Variants in PRKCH observed in about 807,000 individuals in gnomAD.
PRKCH encodes protein kinase C eta.
In PRKCH, 28 loss-of-function variants were observed where a neutral mutation model predicts 82.5. The ratio of observed to expected loss-of-function variants is 0.34; its 90% CI spans 0.25 to 0.47. PRKCH has a LOEUF of 0.47. Ranked by LOEUF, PRKCH falls within the 20% of genes least tolerant of loss-of-function variation. The pLI, the probability that PRKCH is intolerant of heterozygous loss-of-function variation, is 1.00. For missense variants in PRKCH, 705 were observed against 881.8 expected (o/e 0.80, Z 2.54); for synonymous variants, 322 against 327.4 (o/e 0.98, Z 0.18).
At chr14:61,292,625 G>A (rs954645518) in intron 1 of PRKCH, among the ~76,000 whole-genome samples, 2 of 152,060 alleles carry the variant, frequency 1.3e-5, no homozygotes, top group Non-Finnish European at 1.5e-5. Flanking sequence ...ACAAAAATTA[G>A]CCAGGCATAG....
intron 1 of PRKCH, among the ~76,000 whole-genome samples, chr14:61,199,255 G>T (rs2044461756): frequency 6.6e-6 from 1 of 152,140 alleles, no homozygotes. Context: ...CTCTTGCATA[G>T]ATTTAATAAT....
chr14:61,280,017 G>C lies in PRKCH; in HGVS notation c.-19+92349G>C, dbSNP rs2045241738. 7.7e-7 allele frequency: 1 copy of C among 1,305,190 alleles called. No homozygotes were observed. The highest frequency in any genetic ancestry group is 1.5e-5 in the African/African-American group (1 of 67,092). 80.9% of individuals were successfully genotyped at this position (1,305,190 alleles called of 1,614,324 possible). A position where few individuals can be genotyped will look rare whatever the true frequency, so the allele number is the denominator to read the frequency against. On this transcript the variant is annotated intron_variant, in intron 1 of 3. Coordinates refer to the PRKCH transcript ENST00000555185. This position sits in a 1 kb window ranked among gnomAD's most constrained non-coding sequence, Gnocchi z 5.0. ...CTAGGCGAGGTTGGAATTGGGTGAC[G>C]GGCGAGGAGGAGATGCCAAAAGCAC...
At chr14:61,545,268 C>T (rs192745059) in intron 12 of PRKCH, 20 of 152,354 alleles carry the variant, frequency 1.3e-4, no homozygotes, top group African/African-American at 4.8e-4. Flanking sequence ...AATGCCACCT[C>T]TTCCACGAGG....
intron 1 of PRKCH, among the ~76,000 whole-genome samples, chr14:61,381,814 C>A (rs968068808): frequency 1.3e-5 from 2 of 152,210 alleles, no homozygotes; most frequent in Non-Finnish European, 2.9e-5. Context: ...GGTGTGATGA[C>A]CTCATGTGCC....
chr14:61,492,872 C>T (rs1480110463), intron 10 of PRKCH, among the ~76,000 whole-genome samples: 4 of 152,144 alleles, frequency 2.6e-5, no homozygotes, highest in African/African-American at 9.7e-5. Flanking sequence ...AGGCAAACTT[C>T]CTGGAGGAGG....
intron 10 of PRKCH, among the ~76,000 whole-genome samples, chr14:61,522,520 T>G (rs2042919674): frequency 6.6e-6 from 1 of 152,138 alleles, no homozygotes; most frequent in Non-Finnish European, 1.5e-5. Flanking sequence ...CTCTGTTCCT[T>G]CCTTCTGAAA....
chr14:61,465,466 T>G (rs183411329), intron 9 of PRKCH, among the ~76,000 whole-genome samples: 2 of 152,352 alleles, frequency 1.3e-5, no homozygotes, highest in Non-Finnish European at 2.9e-5. Flanking sequence ...TTCAACACCA[T>G]TTATTGAAGG....
intron 2 of PRKCH, among the ~76,000 whole-genome samples, chr14:61,410,126 AT>A (rs1355707828): frequency 6.6e-6 from 1 of 152,148 alleles, no homozygotes; most frequent in African/African-American, 2.4e-5. Context: ...GACTTTTATG[AT>A]TTTAATTTTA....
intron 1 of PRKCH, among the ~76,000 whole-genome samples, chr14:61,233,571 C>A (rs111947555): frequency 6.6e-6 from 1 of 152,074 alleles, no homozygotes; most frequent in Non-Finnish European, 1.5e-5. Context: ...TCCACACAAA[C>A]CTCATCTTGA....
intron 1 of PRKCH, among the ~76,000 whole-genome samples, chr14:61,314,051 A>C (rs1002428528): frequency 3.9e-5 from 6 of 152,318 alleles, no homozygotes; most frequent in Non-Finnish European, 8.8e-5. Flanking sequence ...TTTAGTTTGA[A>C]AAGATATTTT....
At chr14:61,414,274 CTT>C (rs151041093) in intron 2 of PRKCH, among the ~76,000 whole-genome samples, 24 of 141,014 alleles carry the variant, frequency 1.7e-4, no homozygotes, top group Admixed American at 2.9e-4. Context: ...TTCATTTAAT[CTT>C]TTTTTTTTTT....
Position 61,240,564 on chromosome 14 carries a change from G to A in PRKCH, c.-19+52896G>A, listed in dbSNP as rs1416260207. ...TAGCCATCTGCATTTGCATATCAAT[G>A]ATTGCCAGTCTGGTTTTTCAAGCCT... On this transcript the variant is annotated intron_variant, in intron 1 of 3. Transcript: ENST00000555185. Among the ~76,000 whole-genome samples, 4 of 152,076 alleles carry A rather than the reference G, an allele frequency of 2.6e-5. 1 individual carries two copies. In the South Asian group the frequency reaches 8.3e-4, roughly 32 times the overall value.
chr14:61,474,869 C>T (rs1161164743), intron 9 of PRKCH, among the ~76,000 whole-genome samples: 3 of 152,118 alleles, frequency 2.0e-5, no homozygotes, highest in Non-Finnish European at 4.4e-5. Context: ...ACAGAAACTT[C>T]GGCCCGTGCA....
At chr14:61,423,622 A>G (rs940286646) in intron 2 of PRKCH, among the ~76,000 whole-genome samples, 5 of 152,276 alleles carry the variant, frequency 3.3e-5, no homozygotes, top group Middle Eastern at 3.4e-3. Context: ...GAGATGGGCT[A>G]TGAATGGTGA....
At chr14:61,449,318 C>T in intron 5 of PRKCH, 66 bp downstream of exon 5, 1 of 1,332,968 alleles carries the variant, frequency 7.5e-7, no homozygotes, top group Non-Finnish European at 1.1e-6. Flanking sequence ...ACCGCCGTCT[C>T]TCTCCCTCCC....
intron 10 of PRKCH, among the ~76,000 whole-genome samples, chr14:61,500,666 C>T (rs1014530563): frequency 6.6e-6 from 1 of 152,080 alleles, no homozygotes; most frequent in Non-Finnish European, 1.5e-5. Flanking sequence ...TGTATGTGCA[C>T]ATGAAAATAG....
chr14:61,549,699 T>G lies in PRKCH; in HGVS notation c.1920T>G (p.Asp640Glu). 1 of 1,611,930 alleles carries G rather than the reference T, an allele frequency of 6.2e-7. No individual in the cohort carries two copies. The highest frequency in any genetic ancestry group is 1.1e-5 in the South Asian group (1 of 90,798). ...PFRPRIKSRE[D>E]VSNFDPDFIK... ...TTTTTTGGCAGAAATCCCGAGAAGA[T>G]GTCAGTAATTTTGACCCTGACTTCA... The change falls in exon 14 of 14, where the codon GAT becomes GAG. Residue 640 changes from aspartate (D) to glutamate (E), a missense_variant. Physicochemically the swap from Asp to Glu is conservative, Grantham distance 45. This residue lies in a region of PRKCH where 91 missense variants were observed against 81.2 expected (regional missense o/e 1.12). Transcript: ENST00000332981.
At chr14:61,196,347 T>A (rs760496311) in intron 1 of PRKCH, among the ~76,000 whole-genome samples, 3 of 152,196 alleles carry the variant, frequency 2.0e-5, no homozygotes, top group Non-Finnish European at 2.9e-5. Flanking sequence ...GACAATGGAT[T>A]GATAATGGCC....
rs1348437707 is a variant in PRKCH at position 61,413,405 on chromosome 14, C to CA, written c.427+22117_427+22118insA. The stretch of plus-strand genomic sequence containing the variant: ...ACCTTCATCATTTCTTTTTAAGCGC[C>CA]CCCCCCCCGCCCCGCCCATGTACCC... On this transcript the variant is annotated intron_variant, in intron 2 of 13. Coordinates refer to ENST00000332981, the MANE Select transcript of PRKCH (RefSeq NM_006255.5). Among the ~76,000 whole-genome samples, 113 of 22,866 alleles carry CA rather than the reference C, an allele frequency of 4.9e-3. 6 individuals are homozygous for CA. The highest frequency in any genetic ancestry group is 0.012 in the African/African-American group (102 of 8,764). The allele number at this position is 22,866 out of a possible 152,430, so 15.0% of individuals were successfully genotyped here.
Sources: gnomAD v4.1 joint callset for allele counts (sites outside exome capture counted in the v4.1 genomes callset) on GRCh38, gnomAD v4.1.1 for gene constraint, gnomAD v4.1.1 regional missense constraint, Gnocchi (gnomAD v3.1) non-coding constraint, MANE v1.5 for transcripts, NCBI Gene and HGNC (gene_info 2026-07-23, HGNC 2026-07-21) for gene names.